Variants in CADPS observed in about 807,000 individuals in gnomAD.
CADPS encodes calcium-dependent secretion activator 1.
CADPS carries 57 observed loss-of-function variants against 167.3 expected under a neutral mutation model. The observed-to-expected ratio is 0.34, with a 90% CI of 0.28 to 0.42. The LOEUF is 0.42. Among genes scored for constraint, CADPS ranks in the 20% least tolerant of loss-of-function variants. The pLI is 1.00. For synonymous variants in CADPS, 676 were observed against 635.3 expected, an observed-to-expected ratio of 1.06 and a Z score of -0.96; for missense variants, 1,414 against 1,738.1, an observed-to-expected ratio of 0.81 and a Z score of 3.32.
At chr3:62,405,091 C>CA (rs1420546286) in intron 28 of CADPS, among the ~76,000 whole-genome samples, 1 of 149,616 alleles carries the variant, frequency 6.7e-6, no homozygotes, top group African/African-American at 2.5e-5. Flanking sequence ...GTGCTAACCC[C>CA]AGGCCTCAAA....
In CADPS at chr3:62,605,257, A is replaced by AAC. The variant is rs1562805211; in HGVS notation, c.1326-12510_1326-12509insGT. ...GCCAAATGAGGGGAAAAACAAAAAAAAAAAAACTGGGAGAGACAGAACAAC... is the reference window on the plus strand; with the variant it reads ...GCCAAATGAGGGGAAAAACAAAAAAAACAAAAAACTGGGAGAGACAGAACAAC... On this transcript the variant is annotated intron_variant, in intron 6 of 29. Transcript: ENST00000383710. Among the ~76,000 whole-genome samples the AAC allele has an allele frequency of 1.3e-4, 20 of 152,182 alleles. 1 individual carries two copies. The highest frequency in any genetic ancestry group is 4.8e-4 in the African/African-American group (20 of 41,516).
At chr3:62,585,702 C>T (rs1408069284) in intron 7 of CADPS, among the ~76,000 whole-genome samples, 4 of 152,204 alleles carry the variant, frequency 2.6e-5, no homozygotes. Flanking sequence ...TTTTAGTCCA[C>T]TCTTTTTCTC....
intron 18 of CADPS, among the ~76,000 whole-genome samples, chr3:62,498,506 A>G (rs2065181078): frequency 6.6e-6 from 1 of 152,140 alleles, no homozygotes; most frequent in Non-Finnish European, 1.5e-5. Flanking sequence ...TGGAAGTGTT[A>G]GGTTGTTTAA....
rs1351417505 is a variant in CADPS, at chr3:62,765,969, G to A, written c.457C>T (p.Leu153=). Residue 153 remains leucine, a synonymous_variant, in exon 2 of 30, where the codon CTG becomes TTG. Transcript: ENST00000383710. Reference sequence around the variant, plus strand: ...TGAAACCGGTCCTTGACTGTCTGCAGCTGCTGTTTGCTGATCTGTAAGAAA... The same window carrying A: ...TGAAACCGGTCCTTGACTGTCTGCAACTGCTGTTTGCTGATCTGTAAGAAA... The part of the protein sequence containing the change: ...RRQQKISKQQ[L]QTVKDRFQAF... 1 of 1,611,294 alleles carries A rather than the reference G, an allele frequency of 6.2e-7. No individual in the cohort carries two copies. Among genetic ancestry groups the A allele is most frequent in the African/African-American group, 1.3e-5 (1 of 74,830 alleles).
In CADPS at chr3:62,399,056, C is replaced by T. The variant is rs17062; in HGVS notation, c.*350G>A. 4,482 of 173,190 alleles carry T rather than the reference C, an allele frequency of 0.026. 83 individuals are homozygous for T. The highest frequency in any genetic ancestry group is 0.041 in the Non-Finnish European group (3,330 of 81,306). 10.7% of individuals were successfully genotyped at this position (173,190 alleles called of 1,614,324 possible). A position where few individuals can be genotyped will look rare whatever the true frequency, so the allele number is the denominator to read the frequency against. ...AGAGTGAATGTACTTGATGTACTTG[C>T]CCTCACATCCATTTACCACCAATGC... is the stretch of plus-strand genomic sequence containing the variant. On this transcript the variant is annotated 3_prime_UTR_variant, in exon 30 of 30. Transcript: ENST00000383710. The surrounding 1 kb of genome is among the most constrained non-coding windows in gnomAD (Gnocchi z 5.6).
intron 11 of CADPS, 100 bp downstream of exon 11, chr3:62,549,803 A>G: frequency 1.1e-6 from 1 of 896,506 alleles, no homozygotes; most frequent in Middle Eastern, 2.3e-4. Flanking sequence ...ACATGATTTT[A>G]TAAATTTTAA....
intron 6 of CADPS, among the ~76,000 whole-genome samples, chr3:62,627,996 G>A (rs2064443547): frequency 6.6e-6 from 1 of 152,152 alleles, no homozygotes; most frequent in African/African-American, 2.4e-5. Context: ...TTTAGCAGGT[G>A]AAATTTTCAT....
intron 1 of CADPS, among the ~76,000 whole-genome samples, chr3:62,845,092 G>C (rs1222097538): frequency 6.6e-6 from 1 of 152,126 alleles, no homozygotes; most frequent in Non-Finnish European, 1.5e-5. Flanking sequence ...TATCACTGTG[G>C]GTAGAATAAG....
chr3:62,498,171 A>C (rs1295566614), intron 18 of CADPS: 3 of 456,534 alleles, frequency 6.6e-6, no homozygotes, highest in Admixed American at 2.3e-5. Flanking sequence ...TGATCAGCCA[A>C]GATTGAATAA....
At chr3:62,799,176 T>C (rs2093623713) in intron 1 of CADPS, among the ~76,000 whole-genome samples, 1 of 152,186 alleles carries the variant, frequency 6.6e-6, no homozygotes. Context: ...TCCACCACTG[T>C]TGACAGCACT....
chr3:62,758,584 G>A (rs1235337223), intron 2 of CADPS, among the ~76,000 whole-genome samples: 8 of 152,180 alleles, frequency 5.3e-5, no homozygotes. Context: ...ACTCAATTGT[G>A]CTGGGAGCTC....
chr3:62,462,811 G>A (rs903309610), intron 26 of CADPS, among the ~76,000 whole-genome samples: 2 of 152,162 alleles, frequency 1.3e-5, no homozygotes, highest in Non-Finnish European at 2.9e-5. Context: ...CAATTGGGCC[G>A]AAGGAAGCCA....
chr3:62,459,495 T>A (rs1237931118), intron 26 of CADPS, among the ~76,000 whole-genome samples: 1 of 152,322 alleles, frequency 6.6e-6, no homozygotes, highest in Non-Finnish European at 1.5e-5. Context: ...ATTTACTAGA[T>A]CTTCCCTTTC....
chr3:62,784,754 GCAAAAA>G (rs142938755), intron 1 of CADPS, among the ~76,000 whole-genome samples: 302 of 28,216 alleles, frequency 0.011, no homozygotes, highest in African/African-American at 0.039. Context: ...AAGAATGCAA[GCAAAAA>G]CAAAAAAAAA....
At chr3:62,517,364 T>C (rs2069259963) in intron 14 of CADPS, among the ~76,000 whole-genome samples, 1 of 152,168 alleles carries the variant, frequency 6.6e-6, no homozygotes, top group South Asian at 2.1e-4. Flanking sequence ...ACTTGCCAGC[T>C]GGATTGCCTT....
At chr3:62,750,007 T>C (rs2082340829) in intron 3 of CADPS, among the ~76,000 whole-genome samples, 2 of 152,284 alleles carry the variant, frequency 1.3e-5, no homozygotes, top group Non-Finnish European at 2.9e-5. Context: ...AAAAAGAATA[T>C]ATCAAAGCTG....
At chr3:62,570,580 G>A (rs1014896036) in intron 9 of CADPS, among the ~76,000 whole-genome samples, 2 of 152,098 alleles carry the variant, frequency 1.3e-5, no homozygotes, top group Non-Finnish European at 2.9e-5. Context: ...TACTCTCCCC[G>A]ACTTATCTCA....
intron 17 of CADPS, among the ~76,000 whole-genome samples, chr3:62,509,364 T>A (rs2067313036): frequency 6.7e-6 from 1 of 149,190 alleles, no homozygotes; most frequent in African/African-American, 2.5e-5. Flanking sequence ...GTATAAGACA[T>A]GAAGCATGAG....
rs201724714 is a variant in CADPS, at chr3:62,438,197, G to A, written c.3684C>T (p.Asp1228=). 5 of 1,613,112 alleles carry A rather than the reference G, an allele frequency of 3.1e-6. No homozygotes were observed. Among genetic ancestry groups the A allele is most frequent in the East Asian group, 2.2e-5 (1 of 44,862 alleles). ...KYVDVPKPGM[D]VADAYVTFVR... ...CGAAAGTCACGTAGGCGTCGGCCAC[G>A]TCCATCCCGGGTTTCTGTAAAGAAA... Residue 1228 remains aspartate, a synonymous_variant, in exon 28 of 30, where the codon GAC becomes GAT. Transcript: ENST00000383710. This position sits in a 1 kb window ranked among gnomAD's most constrained non-coding sequence, Gnocchi z 4.7.
Sources: gnomAD v4.1 joint callset for allele counts (sites outside exome capture counted in the v4.1 genomes callset) on GRCh38, gnomAD v4.1.1 for gene constraint, Gnocchi (gnomAD v3.1) non-coding constraint, MANE v1.5 for transcripts, NCBI Gene and HGNC (gene_info 2026-07-23, HGNC 2026-07-21) for gene names.